GALNT14: variants seen among roughly 807,000 people sequenced by gnomAD.
GALNT14 encodes UDP-GalNAc:polypeptide N-acetylgalactosaminyltransferase 14.
GALNT14 carries 60 observed loss-of-function variants against 77.5 expected under a neutral mutation model. The ratio of observed to expected loss-of-function variants is 0.77; its 90% CI spans 0.63 to 0.96. The LOEUF (loss-of-function observed/expected upper bound fraction) is 0.96, where lower values mean the gene tolerates loss of function less well. Among genes scored for constraint, GALNT14 ranks in the 40% least tolerant of loss-of-function variants. GALNT14 has a pLI of 0.00. For missense variants in GALNT14, 710 were observed against 731.0 expected (o/e 0.97, Z 0.33); for synonymous variants, 280 against 281.7 (o/e 0.99, Z 0.06).
chr2:30,985,459 G>A (rs922386843), intron 2 of GALNT14, among the ~76,000 whole-genome samples: 4 of 152,132 alleles, frequency 2.6e-5, no homozygotes, highest in East Asian at 1.9e-4. Context: ...GCTTTGCTAC[G>A]TGGCCAAGAC....
At chr2:31,080,259 T>C (rs1258923312) in intron 1 of GALNT14, among the ~76,000 whole-genome samples, 2 of 152,176 alleles carry the variant, frequency 1.3e-5, no homozygotes, top group Non-Finnish European at 2.9e-5. Context: ...ATGGGGAGAA[T>C]AAGGTTATCA....
intron 1 of GALNT14, among the ~76,000 whole-genome samples, chr2:31,087,396 G>C (rs916755328): frequency 6.6e-6 from 1 of 151,564 alleles, no homozygotes; most frequent in Non-Finnish European, 1.5e-5. Flanking sequence ...ACATTTAGGA[G>C]TCAACAGAGA....
intron 1 of GALNT14, among the ~76,000 whole-genome samples, chr2:31,122,763 A>AT (rs1678477248): frequency 6.6e-6 from 1 of 152,306 alleles, no homozygotes; most frequent in South Asian, 2.1e-4. Flanking sequence ...TATACAAATT[A>AT]TTTTCTATTT....
intron 2 of GALNT14, among the ~76,000 whole-genome samples, chr2:30,977,743 C>G (rs780480195): frequency 6.6e-6 from 1 of 152,122 alleles, no homozygotes; most frequent in Non-Finnish European, 1.5e-5. Context: ...CACATCCGTG[C>G]GCCATTCTGG....
intron 1 of GALNT14, among the ~76,000 whole-genome samples, chr2:31,049,818 C>A (rs1173593324): frequency 6.6e-6 from 1 of 152,204 alleles, no homozygotes; most frequent in East Asian, 1.9e-4. Context: ...AACTTTACTA[C>A]AACGCACAGC....
At chr2:31,089,215 C>G (rs1676605698) in intron 1 of GALNT14, among the ~76,000 whole-genome samples, 1 of 152,158 alleles carries the variant, frequency 6.6e-6, no homozygotes, top group African/African-American at 2.4e-5. Flanking sequence ...TCGAGTGGGA[C>G]ATCTGATTAG....
chr2:30,900,805 C>T, the GALNT14 span, among the ~76,000 whole-genome samples: 8 of 152,176 alleles, frequency 5.3e-5, no homozygotes, highest in Admixed American at 1.3e-4. Flanking sequence ...TGCATATCGA[C>T]GGGGCTGGGG....
intron 9 of GALNT14, among the ~76,000 whole-genome samples, chr2:30,933,534 G>A (rs1254369616): frequency 6.6e-6 from 1 of 152,154 alleles, no homozygotes; most frequent in African/African-American, 2.4e-5. Context: ...CCCCTGGACT[G>A]AGGTAAGACT....
chr2:31,027,157 T>A (rs956119971), intron 1 of GALNT14, among the ~76,000 whole-genome samples: 2 of 152,278 alleles, frequency 1.3e-5, no homozygotes, highest in African/African-American at 4.8e-5. Context: ...CCTGGCCAGT[T>A]GCGGTGGCTC....
intron 1 of GALNT14, among the ~76,000 whole-genome samples, chr2:31,027,169 C>T (rs1672111231): frequency 6.6e-6 from 1 of 152,202 alleles, no homozygotes; most frequent in East Asian, 1.9e-4. Flanking sequence ...CGGTGGCTCA[C>T]GCCTGTAATC....
chr2:30,961,958 G>A (rs911097496), intron 3 of GALNT14, among the ~76,000 whole-genome samples: 6 of 152,140 alleles, frequency 3.9e-5, no homozygotes, highest in Non-Finnish European at 5.9e-5. Flanking sequence ...CTCCCAAAAT[G>A]TTGGGATTAC....
chr2:30,891,599 T>G, the GALNT14 span, among the ~76,000 whole-genome samples: 1 of 152,040 alleles, frequency 6.6e-6, no homozygotes, highest in Non-Finnish European at 1.5e-5. Flanking sequence ...TCATGAACCC[T>G]AGTTCTGTCT....
chr2:31,084,154 T>C lies in GALNT14; in HGVS notation c.129+53804A>G, dbSNP rs1185463182. Among the ~76,000 whole-genome samples the C allele has an allele frequency of 1.3e-5, 2 of 152,310 alleles. 1 individual carries two copies. Among genetic ancestry groups the C allele is most frequent in the Middle Eastern group, 6.8e-3 (2 of 294 alleles). ...CGGGACTGGCCACTGTGTGGGATAC[T>C]TCCTCCAATTTTATCCTTTTATCCT... On this transcript the variant is annotated intron_variant, in intron 1 of 14. Transcript: ENST00000349752.
intron 1 of GALNT14, among the ~76,000 whole-genome samples, chr2:30,995,739 A>C (rs903861823): frequency 1.1e-4 from 17 of 152,150 alleles, no homozygotes; most frequent in African/African-American, 4.1e-4. Flanking sequence ...GCTTCAGGCA[A>C]TCCTTCCACC....
chr2:30,991,577 G>A (rs981949302), intron 2 of GALNT14, among the ~76,000 whole-genome samples: 2 of 152,232 alleles, frequency 1.3e-5, no homozygotes, highest in Non-Finnish European at 2.9e-5. Flanking sequence ...TGCTAAGGCA[G>A]AGCCTCATGG....
intron 1 of GALNT14, among the ~76,000 whole-genome samples, chr2:31,095,792 C>T (rs1191662653): frequency 1.3e-5 from 2 of 152,146 alleles, no homozygotes; most frequent in Non-Finnish European, 2.9e-5. Flanking sequence ...TCTCTGTGTG[C>T]CTAGTTTTCT....
chr2:30,941,402 T>C (rs902510957), intron 9 of GALNT14, among the ~76,000 whole-genome samples: 5 of 152,230 alleles, frequency 3.3e-5, no homozygotes, highest in Non-Finnish European at 7.3e-5. Flanking sequence ...TGACATGTAT[T>C]ATGCCTGCAT....
At chr2:30,905,964 C>A (rs1664132278), downstream of GALNT14, among the ~76,000 whole-genome samples, 2 of 151,496 alleles carry the variant, frequency 1.3e-5, no homozygotes, top group South Asian at 4.2e-4. Flanking sequence ...CCAAACTAAG[C>A]TTCATAAGCG....
chr2:31,094,965 A>G (rs1013389352), intron 1 of GALNT14, among the ~76,000 whole-genome samples: 2 of 152,208 alleles, frequency 1.3e-5, no homozygotes, highest in African/African-American at 4.8e-5. Flanking sequence ...GATCAAAATC[A>G]GGAAGAGGCT....
Sources: allele counts gnomAD v4.1 joint callset (sites outside exome capture counted in the v4.1 genomes callset), GRCh38; gene constraint gnomAD v4.1.1; transcripts MANE v1.5; gene names NCBI Gene and HGNC (gene_info 2026-07-23, HGNC 2026-07-21).